Variants in CPM observed in about 807,000 individuals in gnomAD.
CPM encodes carboxypeptidase M.
In CPM, 35 loss-of-function variants were observed where a neutral mutation model predicts 46.4. That is an observed-to-expected ratio of 0.75 (90% CI 0.58 to 1.00). The LOEUF (loss-of-function observed/expected upper bound fraction) is 1.00, where lower values mean the gene tolerates loss of function less well. Among genes scored for constraint, CPM ranks in the 50% least tolerant of loss-of-function variants. The pLI, the probability that CPM is intolerant of heterozygous loss-of-function variation, is 0.00. For missense variants in CPM, 422 were observed against 530.4 expected, an observed-to-expected ratio of 0.80 and a Z score of 2.01; for synonymous variants, 195 against 195.3, an observed-to-expected ratio of 1.00 and a Z score of 0.01.
chr12:68,867,222 C>G (rs1885492365), intron 6 of CPM, among the ~76,000 whole-genome samples, 174 bp from the exon 7 acceptor site: 1 of 152,174 alleles, frequency 6.6e-6, no homozygotes, highest in Non-Finnish European at 1.5e-5. Context: ...CGTGACTAGA[C>G]AATCCTAAAT....
At chr12:68,929,818 A>G (rs1280184091) in intron 2 of CPM, among the ~76,000 whole-genome samples, 1 of 152,196 alleles carries the variant, frequency 6.6e-6, no homozygotes, top group Non-Finnish European at 1.5e-5. Context: ...ATTCACATCT[A>G]CCGACTTTGT....
At chr12:68,908,355 C>T (rs1887438467) in intron 2 of CPM, among the ~76,000 whole-genome samples, 1 of 151,788 alleles carries the variant, frequency 6.6e-6, no homozygotes, top group Non-Finnish European at 1.5e-5. Context: ...TGTGTCTCTA[C>T]CTACAGCCAT....
At chr12:68,870,002 T>G (rs972373735) in intron 5 of CPM, among the ~76,000 whole-genome samples, 1 of 152,246 alleles carries the variant, frequency 6.6e-6, no homozygotes, top group East Asian at 1.9e-4. Context: ...AATTCACTGA[T>G]GCATGTCCAG....
intron 2 of CPM, 38 bp downstream of exon 2, chr12:68,932,640 C>T (rs1452336745): frequency 6.2e-7 from 1 of 1,609,810 alleles, no homozygotes; most frequent in Admixed American, 1.7e-5. Context: ...AAAGGGAGGA[C>T]TGAGGGTTTG....
upstream of CPM, among the ~76,000 whole-genome samples, chr12:68,934,588 A>G (rs1404373154): frequency 6.6e-6 from 1 of 151,934 alleles, no homozygotes; most frequent in Non-Finnish European, 1.5e-5. Flanking sequence ...ATCCTTTTTT[A>G]TGGCTGCATA....
At chr12:68,926,401 C>T (rs1888262013) in intron 2 of CPM, among the ~76,000 whole-genome samples, 2 of 152,018 alleles carry the variant, frequency 1.3e-5, no homozygotes, top group Admixed American at 6.6e-5. Flanking sequence ...TGCTTAGTGG[C>T]TAATGGCTAC....
At chr12:68,842,414 A>G (rs181687466) in intron 5 of CPM, 22 of 473,922 alleles carry the variant, frequency 4.6e-5, no homozygotes, top group Non-Finnish European at 9.2e-5. Context: ...AACCATTTCT[A>G]TATTTACATT....
At position 68,852,620 on chromosome 12, in the gene CPM, G is replaced by A. The variant is rs978545022; in HGVS notation, c.*3817C>T. 6.6e-6 allele frequency: 1 copy of A among 150,724 alleles called. No individual in the cohort carries two copies. The highest frequency in any genetic ancestry group is 1.5e-5 in the Non-Finnish European group (1 of 67,870). 9.3% of individuals were successfully genotyped at this position (150,724 alleles called of 1,614,324 possible). On this transcript the variant is annotated 3_prime_UTR_variant, in exon 9 of 9. Transcript: ENST00000551568. ...CGGCTGGAGTGCAGTGCAGTGATGT[G>A]ATCTTGGCTCACTGCAACCTCTGCC...
At chr12:68,859,686 G>A (rs998856161) in intron 7 of CPM, among the ~76,000 whole-genome samples, 3 of 152,010 alleles carry the variant, frequency 2.0e-5, no homozygotes, top group African/African-American at 4.8e-5. Flanking sequence ...TTATTATCAT[G>A]ATTTTACAGA....
chr12:68,957,455 G>T (rs1252908261), intron 1 of CPM: 2 of 266,516 alleles, frequency 7.5e-6, no homozygotes, highest in East Asian at 2.0e-4. Context: ...TTAAGAATGT[G>T]CTGGCAAAAG....
At chr12:68,890,273 G>GA (rs1886601360) in intron 2 of CPM, among the ~76,000 whole-genome samples, 1 of 151,918 alleles carries the variant, frequency 6.6e-6, no homozygotes, top group Non-Finnish European at 1.5e-5. Flanking sequence ...CTACAGGATT[G>GA]AAAATGGCAC....
rs772173576 is a variant in CPM at position 68,870,248 on chromosome 12, C to T, written c.583G>A (p.Val195Met). 1.1e-5 allele frequency: 18 copies of T among 1,614,040 alleles called. No individual in the cohort carries two copies. In the East Asian group the frequency reaches 2.0e-4, roughly 18 times the overall value. The change falls in exon 5 of 9, where the codon GTG (valine) becomes ATG (methionine). Residue 195 changes from valine (V) to methionine (M), a missense_variant. Coordinates refer to ENST00000551568, the MANE Select transcript of CPM (RefSeq NM_198320.5). ...LSANLHGGAL[V>M]ASYPFDNGVQ... ...CCATTATCAAATGGGTAACTGGCCACGAGGGCACCACCATGGAGGTTTGCA... is the reference window on the plus strand; with the variant it reads ...CCATTATCAAATGGGTAACTGGCCATGAGGGCACCACCATGGAGGTTTGCA...
At chr12:68,897,487 A>G (rs896762663) in intron 2 of CPM, among the ~76,000 whole-genome samples, 24 of 152,256 alleles carry the variant, frequency 1.6e-4, no homozygotes, top group Non-Finnish European at 3.5e-4. Context: ...ATGAATACTT[A>G]AAGAGATTTC....
At chr12:68,864,440 G>A (rs142306500) in intron 7 of CPM, among the ~76,000 whole-genome samples, 14 of 152,264 alleles carry the variant, frequency 9.2e-5, no homozygotes, top group African/African-American at 1.9e-4. Context: ...GCGAGACTCC[G>A]TCTCAAAAAC....
At chr12:68,961,719 G>A (rs1484630162) in intron 1 of CPM, among the ~76,000 whole-genome samples, 1 of 151,222 alleles carries the variant, frequency 6.6e-6, no homozygotes, top group East Asian at 1.9e-4. Flanking sequence ...TTCGAGACCA[G>A]CCTGGCCAAC....
At chr12:68,953,321 G>T (rs943587799) in intron 1 of CPM, among the ~76,000 whole-genome samples, 2 of 151,890 alleles carry the variant, frequency 1.3e-5, no homozygotes, top group Non-Finnish European at 2.9e-5. Flanking sequence ...TACAGCAGCA[G>T]TTCTTTCATA....
chr12:68,962,169 C>T (rs905950449), intron 1 of CPM, among the ~76,000 whole-genome samples: 3 of 143,910 alleles, frequency 2.1e-5, no homozygotes, highest in Non-Finnish European at 3.0e-5. Flanking sequence ...CACTGCACTC[C>T]AGCCTGGGCG....
intron 1 of CPM, among the ~76,000 whole-genome samples, chr12:68,955,131 G>A (rs1888992553): frequency 6.6e-6 from 1 of 152,186 alleles, no homozygotes; most frequent in Non-Finnish European, 1.5e-5. Flanking sequence ...ACAGCCTGCT[G>A]GGCCGAGTGG....
In CPM at chr12:68,884,425, G is replaced by A. The variant is rs114734429; in HGVS notation, c.258+1367C>T. ...GAAGTATCCTCTCTCAGCAGGACAG[G>A]TTGGGCAGCATGCCTGGCAAGGGCA... is the stretch of plus-strand genomic sequence containing the variant. On this transcript the variant is annotated intron_variant, in intron 3 of 8. Coordinates refer to ENST00000551568, the MANE Select transcript of CPM (RefSeq NM_198320.5). Among the ~76,000 whole-genome samples the A allele has an allele frequency of 7.9e-3, 1,201 of 152,272 alleles. 25 individuals carry two copies. Among genetic ancestry groups the A allele is most frequent in the African/African-American group, 0.027 (1,138 of 41,544 alleles).
Sources: allele counts gnomAD v4.1 joint callset (sites outside exome capture counted in the v4.1 genomes callset), GRCh38; gene constraint gnomAD v4.1.1; transcripts MANE v1.5; gene names NCBI Gene and HGNC (gene_info 2026-07-23, HGNC 2026-07-21).